Variants in MCPH1 observed in about 807,000 individuals in gnomAD.
The protein encoded by MCPH1 is microcephalin.
A neutral mutation model predicts 84.5 loss-of-function variants in MCPH1; 104 were observed. The ratio of observed to expected loss-of-function variants is 1.23; its 90% confidence interval spans 1.05 to 1.45. The LOEUF (loss-of-function observed/expected upper bound fraction) is 1.45. Among genes scored for constraint, MCPH1 ranks in the 40% most tolerant of loss-of-function variants. The probability of loss-of-function intolerance (pLI) is 0.00; values close to 1 mark genes in which losing one functional copy is unlikely to be tolerated. For synonymous variants in MCPH1, 514 were observed against 366.8 expected (o/e 1.40, Z -4.58); for missense variants, 1,498 against 1,005.7 (o/e 1.49, Z -6.62).
At chr8:6,598,085 G>A (rs3020250) in intron 12 of MCPH1, among the ~76,000 whole-genome samples, 2 of 152,006 alleles carry the variant, frequency 1.3e-5, no homozygotes, top group Non-Finnish European at 2.9e-5. Context: ...TTGTGCCTCC[G>A]CTCAACAGGG....
chr8:6,624,231 C>G (rs1053272736), intron 13 of MCPH1, among the ~76,000 whole-genome samples: 1 of 152,274 alleles, frequency 6.6e-6, no homozygotes, highest in African/African-American at 2.4e-5. Flanking sequence ...GCCTGGGCCA[C>G]AGGCCCCAGC....
At chr8:6,497,881 C>T (rs192703198) in intron 11 of MCPH1, among the ~76,000 whole-genome samples, 2 of 152,236 alleles carry the variant, frequency 1.3e-5, no homozygotes, top group African/African-American at 2.4e-5. Context: ...TTAAGTTGAA[C>T]ACTTAAGGTT....
chr8:6,539,327 T>C (rs1046528927), intron 12 of MCPH1, among the ~76,000 whole-genome samples: 2 of 152,248 alleles, frequency 1.3e-5, no homozygotes, highest in Non-Finnish European at 2.9e-5. Context: ...ACTTGCCATC[T>C]GTTGACTGTT....
chr8:6,622,824 A>G (rs1047020483), intron 13 of MCPH1, among the ~76,000 whole-genome samples: 2 of 151,940 alleles, frequency 1.3e-5, no homozygotes, highest in Non-Finnish European at 2.9e-5. Flanking sequence ...GGCTCACCCA[A>G]TGGCATACTT....
At chr8:6,469,402 C>T (rs572631268) in intron 9 of MCPH1, among the ~76,000 whole-genome samples, 220 of 152,210 alleles carry the variant, frequency 1.4e-3, no homozygotes, top group African/African-American at 4.9e-3. Context: ...GATGTAGCTG[C>T]CAGGGATCTA....
At chr8:6,468,384 C>T (rs754025429) in intron 9 of MCPH1, among the ~76,000 whole-genome samples, 13 of 152,136 alleles carry the variant, frequency 8.5e-5, no homozygotes, top group Non-Finnish European at 1.5e-4. Flanking sequence ...ACACCCAGAC[C>T]GCAGGCTTAT....
intron 12 of MCPH1, among the ~76,000 whole-genome samples, chr8:6,610,356 C>T (rs1830157051): frequency 6.6e-6 from 1 of 152,204 alleles, no homozygotes; most frequent in African/African-American, 2.4e-5. Flanking sequence ...TTTACTTAAC[C>T]TAATCAAGCC....
intron 9 of MCPH1, among the ~76,000 whole-genome samples, chr8:6,458,992 C>A (rs142192009): frequency 1.3e-5 from 2 of 152,194 alleles, no homozygotes; most frequent in African/African-American, 4.8e-5. Flanking sequence ...AGTTTGAGAT[C>A]TTTTGATATG....
At chr8:6,520,239 C>T (rs1817056334) in intron 12 of MCPH1, among the ~76,000 whole-genome samples, 1 of 152,188 alleles carries the variant, frequency 6.6e-6, no homozygotes, top group Non-Finnish European at 1.5e-5. Flanking sequence ...ATAATCCAAA[C>T]TTCCTTTGCT....
chr8:6,513,821 T>G, intron 12 of MCPH1: 1 of 1,613,476 alleles, frequency 6.2e-7, no homozygotes, highest in African/African-American at 1.3e-5. Context: ...CCAGCCAATA[T>G]TCTCCTGAAG....
intron 12 of MCPH1, among the ~76,000 whole-genome samples, chr8:6,545,112 A>G (rs889668811): frequency 1.3e-5 from 2 of 152,072 alleles, no homozygotes; most frequent in African/African-American, 4.8e-5. Flanking sequence ...ATCCATTTCC[A>G]TGAAGCTCAA....
chr8:6,549,573 G>A (rs942712447), intron 12 of MCPH1, among the ~76,000 whole-genome samples: 5 of 151,788 alleles, frequency 3.3e-5, no homozygotes, highest in Non-Finnish European at 5.9e-5. Flanking sequence ...AGGGAGCCGC[G>A]TGCAGGGCGG....
rs115297523 is a variant in MCPH1 at position 6,433,089 on chromosome 8, A to G, written c.321+1503A>G. 4.4e-3 allele frequency among the ~76,000 whole-genome samples: 669 copies of G among 152,272 alleles called. 6 individuals carry two copies. Among genetic ancestry groups the G allele is most frequent in the African/African-American group, 0.015 (643 of 41,548 alleles). On this transcript the variant is annotated intron_variant, in intron 4 of 13. Coordinates refer to ENST00000344683, the MANE Select transcript of MCPH1 (RefSeq NM_024596.5). ...TTGGTGAGTTGCCTTCTCTTCCCCA[A>G]TTAACAATATGGTTTTGACCATTTC... is the stretch of plus-strand genomic sequence containing the variant.
chr8:6,408,356 C>G (rs942348740), intron 1 of MCPH1, among the ~76,000 whole-genome samples: 1 of 151,984 alleles, frequency 6.6e-6, no homozygotes, highest in African/African-American at 2.4e-5. Flanking sequence ...ACAGGCACTA[C>G]CACGCCCGGT....
At chr8:6,574,929 CA>C (rs201007535) in intron 12 of MCPH1, among the ~76,000 whole-genome samples, 1 of 151,988 alleles carries the variant, frequency 6.6e-6, no homozygotes, top group East Asian at 1.9e-4. Context: ...CGAAAAACGG[CA>C]AAAAATGACA....
intron 12 of MCPH1, among the ~76,000 whole-genome samples, chr8:6,543,084 T>C (rs1821902778): frequency 6.6e-6 from 1 of 152,176 alleles, no homozygotes; most frequent in South Asian, 2.1e-4. Context: ...CCACTGCCTC[T>C]GGACAGAAAC....
chr8:6,592,550 A>G, intron 12 of MCPH1, among the ~76,000 whole-genome samples: 1 of 151,608 alleles, frequency 6.6e-6, no homozygotes, highest in East Asian at 1.9e-4. Flanking sequence ...TCTCTCTCTA[A>G]AAGTAACTGC....
intron 12 of MCPH1, among the ~76,000 whole-genome samples, chr8:6,606,463 G>A (rs767169615): frequency 2.0e-5 from 3 of 152,202 alleles, no homozygotes; most frequent in African/African-American, 4.8e-5. Context: ...GGGTGTTCAT[G>A]TTCTATTAAA....
intron 9 of MCPH1, among the ~76,000 whole-genome samples, chr8:6,467,323 T>C (rs1002003325): frequency 2.6e-5 from 4 of 152,206 alleles, no homozygotes; most frequent in African/African-American, 4.8e-5. Context: ...AAACTTTTTT[T>C]TGAAGTTGTG....
Sources: allele counts gnomAD v4.1 joint callset (sites outside exome capture counted in the v4.1 genomes callset), GRCh38; gene constraint gnomAD v4.1.1; transcripts MANE v1.5; gene names NCBI Gene and HGNC (gene_info 2026-07-23, HGNC 2026-07-21).